PLPPR5: variants seen among roughly 807,000 people sequenced by gnomAD.
PLPPR5 encodes the protein phospholipid phosphatase related 5, also known as phospholipid phosphatase-related protein type 5.
PLPPR5 carries 16 observed loss-of-function variants against 33.9 expected under a neutral mutation model. The observed-to-expected ratio is 0.47, with a 90% CI of 0.32 to 0.72. PLPPR5 has a LOEUF of 0.72. Ranked by LOEUF, PLPPR5 falls within the 30% of genes least tolerant of loss-of-function variation. PLPPR5 has a pLI of 0.03. For missense variants in PLPPR5, 301 were observed against 406.7 expected (o/e 0.74, Z 2.23); for synonymous variants, 163 against 150.3 (o/e 1.08, Z -0.62).
chr1:98,912,478 A>G (rs1321299902), intron 5 of PLPPR5, among the ~76,000 whole-genome samples: 1 of 152,160 alleles, frequency 6.6e-6, no homozygotes, highest in Non-Finnish European at 1.5e-5. Context: ...TGCTCCAGTC[A>G]TTACCTTTTT....
chr1:98,952,128 T>TG (rs1650806187), intron 3 of PLPPR5, among the ~76,000 whole-genome samples: 1 of 152,094 alleles, frequency 6.6e-6, no homozygotes, highest in Non-Finnish European at 1.5e-5. Context: ...TCGGGTGTGG[T>TG]GGCACACACC....
chr1:98,935,401 G>C (rs1469162574), intron 3 of PLPPR5, among the ~76,000 whole-genome samples: 1 of 152,208 alleles, frequency 6.6e-6, no homozygotes, highest in African/African-American at 2.4e-5. Context: ...ACAAGTGGGA[G>C]AGGAGAGCAG....
chr1:98,900,040 T>C (rs1217172206), intron 5 of PLPPR5, among the ~76,000 whole-genome samples: 1 of 152,168 alleles, frequency 6.6e-6, no homozygotes, highest in African/African-American at 2.4e-5. Context: ...GTAATCATGT[T>C]TGAAATGTAA....
At chr1:98,976,688 C>A (rs188345442) in intron 1 of PLPPR5, among the ~76,000 whole-genome samples, 3 of 151,800 alleles carry the variant, frequency 2.0e-5, no homozygotes, top group African/African-American at 4.8e-5. Context: ...AGACTTAGTA[C>A]AAAAACGATA....
At chr1:98,998,898 G>A (rs1652727541) in intron 1 of PLPPR5, among the ~76,000 whole-genome samples, 1 of 152,144 alleles carries the variant, frequency 6.6e-6, no homozygotes, top group Admixed American at 6.5e-5. Context: ...ATCCTGGGGA[G>A]TATTAAATGG....
At chr1:98,923,209 C>T (rs1202046200) in intron 3 of PLPPR5, among the ~76,000 whole-genome samples, 2 of 152,136 alleles carry the variant, frequency 1.3e-5, no homozygotes, top group Non-Finnish European at 2.9e-5. Context: ...CTCAACTGCT[C>T]ATAAGTTTAT....
intron 1 of PLPPR5, among the ~76,000 whole-genome samples, chr1:98,990,638 G>GCGTTATTTATATCTACCATTTT (rs1652420387): frequency 6.6e-6 from 1 of 151,656 alleles, no homozygotes; most frequent in African/African-American, 2.4e-5. Flanking sequence ...AACAAAAAAT[G>GCGTTATTTATATCTACCATTTT]AAATGAATAT....
At chr1:98,982,803 C>T (rs1372327741) in intron 1 of PLPPR5, among the ~76,000 whole-genome samples, 1 of 152,026 alleles carries the variant, frequency 6.6e-6, no homozygotes, top group African/African-American at 2.4e-5. Context: ...TTTGAGGTCC[C>T]CTGTCTTCCT....
chr1:99,000,375 T>C (rs1259035557), intron 1 of PLPPR5, among the ~76,000 whole-genome samples: 1 of 152,138 alleles, frequency 6.6e-6, no homozygotes, highest in East Asian at 1.9e-4. Context: ...CCACCACCCA[T>C]CAAACTTTAT....
intron 1 of PLPPR5, among the ~76,000 whole-genome samples, chr1:98,965,777 C>G (rs556416008): frequency 6.6e-6 from 1 of 152,310 alleles, no homozygotes; most frequent in Admixed American, 6.5e-5. Flanking sequence ...AGAAATTCCT[C>G]TCCCCTCTAA....
At chr1:98,960,424 G>A (rs540879573) in intron 1 of PLPPR5, among the ~76,000 whole-genome samples, 6 of 152,130 alleles carry the variant, frequency 3.9e-5, no homozygotes, top group East Asian at 1.9e-4. Flanking sequence ...GGCTGGTCTC[G>A]AATTCCTCAC....
At chr1:98,997,373 C>T (rs1244967680) in intron 1 of PLPPR5, among the ~76,000 whole-genome samples, 1 of 152,124 alleles carries the variant, frequency 6.6e-6, no homozygotes, top group Non-Finnish European at 1.5e-5. Context: ...GATACATTGT[C>T]GTCTTTCAAA....
At position 98,893,272 on chromosome 1, in the gene PLPPR5, C is replaced by T. The variant is rs143846091; in HGVS notation, c.934-168G>A. ...ATGTATTATTACACAATTTTTGCTGCTAATTACATATTTTATTCAATAATC... is the reference window on the plus strand; with the variant it reads ...ATGTATTATTACACAATTTTTGCTGTTAATTACATATTTTATTCAATAATC... On this transcript the variant is annotated intron_variant, in intron 5 of 5. Transcript: ENST00000263177. 1.1e-4 allele frequency among the ~76,000 whole-genome samples: 17 copies of T among 152,100 alleles called. No homozygotes were observed. The East Asian group carries it at 3.1e-3, about 28-fold the overall frequency.
intron 5 of PLPPR5, among the ~76,000 whole-genome samples, chr1:98,899,658 GTTT>G (rs397967481): frequency 2.9e-5 from 3 of 103,336 alleles, no homozygotes; most frequent in African/African-American, 6.6e-5. Flanking sequence ...TATTTCACTT[GTTT>G]TTTTTTTTTT....
intron 3 of PLPPR5, among the ~76,000 whole-genome samples, chr1:98,934,910 C>T (rs1310578380): frequency 2.6e-5 from 4 of 152,054 alleles, no homozygotes; most frequent in Non-Finnish European, 5.9e-5. Context: ...AAGTCTGTGA[C>T]ATCCCTCCAT....
chr1:98,894,907 A>G (rs760848722), intron 5 of PLPPR5, among the ~76,000 whole-genome samples: 10 of 152,100 alleles, frequency 6.6e-5, no homozygotes, highest in Admixed American at 3.9e-4. Context: ...AACCAAGTGC[A>G]CAAGTGCAAG....
chr1:98,906,233 A>AGT lies in PLPPR5; in HGVS notation c.933+8551_933+8552dup, dbSNP rs57581735. ...ATATATACAGTGTGTGTATATACACAGTGTGTGTGTGTATATATACTAGGT... is the reference window on the plus strand; with the variant it reads ...ATATATACAGTGTGTGTATATACACAGTGTGTGTGTGTGTATATATACTAGGT... On this transcript the variant is annotated intron_variant, in intron 5 of 5. Transcript: ENST00000263177. Among the ~76,000 whole-genome samples the AGT allele has an allele frequency of 2.5e-4, 38 of 150,996 alleles. 1 individual carries two copies. The South Asian group carries it at 5.6e-3, about 22-fold the overall frequency.
At chr1:98,906,350 A>G (rs1357124463) in intron 5 of PLPPR5, among the ~76,000 whole-genome samples, 3 of 151,668 alleles carry the variant, frequency 2.0e-5, no homozygotes, top group African/African-American at 7.3e-5. Flanking sequence ...CAACAATAAT[A>G]TTTATTTCAT....
chr1:98,968,731 A>C (rs554929316), intron 1 of PLPPR5, among the ~76,000 whole-genome samples: 143 of 152,162 alleles, frequency 9.4e-4, no homozygotes, highest in Non-Finnish European at 1.7e-3. Context: ...GTGAAAAAAA[A>C]ATTTAAAAAA....
Sources: allele counts gnomAD v4.1 joint callset (sites outside exome capture counted in the v4.1 genomes callset), GRCh38; gene constraint gnomAD v4.1.1; transcripts MANE v1.5; gene names NCBI Gene and HGNC (gene_info 2026-07-23, HGNC 2026-07-21).